Variants in CCDC85A observed in about 807,000 individuals in gnomAD.
CCDC85A encodes coiled-coil domain-containing protein 85A.
In CCDC85A, 38 loss-of-function variants were observed where a neutral mutation model predicts 50.2. That is an observed-to-expected ratio of 0.76 (90% CI 0.58 to 0.99). The LOEUF (loss-of-function observed/expected upper bound fraction) is 0.99. CCDC85A is among the 50% of genes least tolerant of loss of function. The probability of loss-of-function intolerance (pLI) is 0.00; values close to 1 mark genes in which losing one functional copy is unlikely to be tolerated. For synonymous variants in CCDC85A, 366 were observed against 301.4 expected (o/e 1.21, Z -2.22); for missense variants, 820 against 742.0 (o/e 1.11, Z -1.22).
chr2:56,198,523 C>A (rs1676614988), intron 2 of CCDC85A, among the ~76,000 whole-genome samples: 2 of 152,164 alleles, frequency 1.3e-5, no homozygotes, highest in Non-Finnish European at 2.9e-5. Flanking sequence ...ATTTATTGTA[C>A]CATACTTGTA....
At chr2:56,348,025 G>T (rs1479750058) in intron 3 of CCDC85A, among the ~76,000 whole-genome samples, 2 of 152,160 alleles carry the variant, frequency 1.3e-5, no homozygotes, top group African/African-American at 4.8e-5. Flanking sequence ...CTATTCACAT[G>T]TAATGCTGAG....
chr2:56,339,735 T>C (rs1217909460), intron 2 of CCDC85A, among the ~76,000 whole-genome samples: 1 of 152,156 alleles, frequency 6.6e-6, no homozygotes, highest in South Asian at 2.1e-4. Context: ...TGGATGGCCT[T>C]ATCAAGTGGT....
intron 2 of CCDC85A, among the ~76,000 whole-genome samples, chr2:56,282,419 A>G (rs1449617715): frequency 1.3e-5 from 2 of 152,166 alleles, no homozygotes; most frequent in East Asian, 1.9e-4. Flanking sequence ...AATTGTATCA[A>G]TTTCTACAAA....
intron 2 of CCDC85A, among the ~76,000 whole-genome samples, chr2:56,236,162 G>T (rs1027992283): frequency 2.0e-5 from 3 of 152,148 alleles, no homozygotes; most frequent in Admixed American, 2.0e-4. Context: ...CTTACTTCCA[G>T]TGTCATTGTA....
chr2:56,335,705 A>T (rs1389140141), intron 2 of CCDC85A, among the ~76,000 whole-genome samples: 1 of 151,418 alleles, frequency 6.6e-6, no homozygotes, highest in African/African-American at 2.4e-5. Flanking sequence ...AGGATCAATC[A>T]ATTCTCCTGC....
In CCDC85A at chr2:56,193,291, A is replaced by C; in HGVS notation, c.1091A>C (p.Gln364Pro). The part of the protein sequence containing the change: ...ARGTSPEHLK[Q>P]HYGGSPDHKH... ...GGCACCAGCCCGGAGCACCTCAAAC[A>C]ACATTATGGAGGGAGCCCTGATCAC... Residue 364 changes from glutamine to proline, a missense_variant, in exon 2 of 6, where the codon CAA (glutamine) becomes CCA (proline). By Grantham distance (76) the Gln-to-Pro change is moderately conservative. Coordinates refer to ENST00000407595, the MANE Select transcript of CCDC85A (RefSeq NM_001080433.2). 6.2e-7 allele frequency: 1 copy of C among 1,613,864 alleles called. No homozygotes were observed. The highest frequency in any genetic ancestry group is 8.5e-7 in the Non-Finnish European group (1 of 1,179,826).
Position 56,383,712 on chromosome 2 carries a change from A to G in CCDC85A, c.1573-554A>G, listed in dbSNP as rs905745079. The G allele has an allele frequency of 2.3e-5, 23 of 985,142 alleles. No individual in the cohort carries two copies. In the African/African-American group the frequency reaches 3.7e-4, roughly 16 times the overall value. 61.0% of individuals were successfully genotyped at this position (985,142 alleles called of 1,614,324 possible). On this transcript the variant is annotated intron_variant, in intron 5 of 5. Coordinates refer to ENST00000407595, the MANE Select transcript of CCDC85A (RefSeq NM_001080433.2). ...GCCAGAGAAATTTACTAGTGGCCCTAAGACTACCACCTCAGGACTTAAATA... is the reference window on the plus strand; with the variant it reads ...GCCAGAGAAATTTACTAGTGGCCCTGAGACTACCACCTCAGGACTTAAATA...
chr2:56,251,941 G>T (rs1669777998), intron 2 of CCDC85A, among the ~76,000 whole-genome samples: 1 of 151,550 alleles, frequency 6.6e-6, no homozygotes. Context: ...TAGGGTACAT[G>T]TGCACAACGT....
intron 2 of CCDC85A, among the ~76,000 whole-genome samples, chr2:56,204,484 A>C (rs1447949241): frequency 6.6e-6 from 1 of 152,142 alleles, no homozygotes; most frequent in Non-Finnish European, 1.5e-5. Context: ...ACTCAGTTTT[A>C]TTTAGGCAGG....
At position 56,310,938 on chromosome 2, in the gene CCDC85A, G is replaced by A. The variant is rs1005907210; in HGVS notation, c.1241-31941G>A. On this transcript the variant is annotated intron_variant, in intron 2 of 5. Coordinates refer to ENST00000407595, the MANE Select transcript of CCDC85A (RefSeq NM_001080433.2). The stretch of plus-strand genomic sequence containing the variant: ...CATTTGTCTCTCTTGAATTCAGATC[G>A]TCAAGGAACTCTTAGTCCTTGCAAT... Among the ~76,000 whole-genome samples the A allele has an allele frequency of 1.6e-4, 25 of 152,232 alleles. 1 individual carries two copies. Among genetic ancestry groups the A allele is most frequent in the South Asian group, 6.2e-4 (3 of 4,830 alleles).
intron 3 of CCDC85A, among the ~76,000 whole-genome samples, chr2:56,357,007 A>G (rs1222009394): frequency 6.6e-6 from 1 of 151,156 alleles, no homozygotes; most frequent in African/African-American, 2.4e-5. Context: ...TGAACCTGGG[A>G]GGCGGAGCTT....
intron 2 of CCDC85A, among the ~76,000 whole-genome samples, chr2:56,278,528 T>G (rs1020337588): frequency 6.6e-6 from 1 of 152,092 alleles, no homozygotes; most frequent in Non-Finnish European, 1.5e-5. Context: ...CTCAACTCAG[T>G]CTGAGGGATT....
At chr2:56,347,764 T>A (rs1213636040) in intron 3 of CCDC85A, among the ~76,000 whole-genome samples, 1 of 152,210 alleles carries the variant, frequency 6.6e-6, no homozygotes, top group Non-Finnish European at 1.5e-5. Flanking sequence ...GTTTTAAAAC[T>A]GAAATTTTAA....
chr2:56,242,979 T>C (rs1669332887), intron 2 of CCDC85A, among the ~76,000 whole-genome samples: 1 of 152,178 alleles, frequency 6.6e-6, no homozygotes, highest in African/African-American at 2.4e-5. Context: ...TGCAAGTGGA[T>C]ATCCAGGTTT....
intron 2 of CCDC85A, among the ~76,000 whole-genome samples, chr2:56,213,558 C>T (rs72801179): frequency 0.023 from 3,557 of 151,988 alleles, 62 homozygotes; most frequent in South Asian, 0.047. Context: ...TGTTCTGCAT[C>T]TTTCTAGGAG....
intron 3 of CCDC85A, among the ~76,000 whole-genome samples, chr2:56,372,079 G>A (rs539862298): frequency 1.3e-5 from 2 of 152,064 alleles, no homozygotes; most frequent in East Asian, 1.9e-4. Flanking sequence ...AGTTTTTTCT[G>A]TAATTTTGAC....
rs115140982 is a variant in CCDC85A at position 56,314,845 on chromosome 2, C to T, written c.1241-28034C>T. ...TTCCTCTTGAGAGTTATAGTATAGACGCTACTGCTGTTTGGAGTTTCCTGT... is the reference window on the plus strand; with the variant it reads ...TTCCTCTTGAGAGTTATAGTATAGATGCTACTGCTGTTTGGAGTTTCCTGT... On this transcript the variant is annotated intron_variant, in intron 2 of 5. Transcript: ENST00000407595. Among the ~76,000 whole-genome samples the T allele has an allele frequency of 6.7e-3, 1,019 of 152,240 alleles. 8 individuals are homozygous for T. Among genetic ancestry groups the T allele is most frequent in the African/African-American group, 0.023 (952 of 41,556 alleles).
chr2:56,221,238 A>G (rs897312517), intron 2 of CCDC85A, among the ~76,000 whole-genome samples: 1 of 152,046 alleles, frequency 6.6e-6, no homozygotes, highest in Admixed American at 6.6e-5. Context: ...AAAATCATCA[A>G]CTGCCAATGC....
In CCDC85A at chr2:56,310,980, G is replaced by A. The variant is rs147373543; in HGVS notation, c.1241-31899G>A. 1.6e-3 allele frequency among the ~76,000 whole-genome samples: 244 copies of A among 152,246 alleles called. 1 individual carries two copies. The highest frequency in any genetic ancestry group is 0.01 in the Middle Eastern group (3 of 294). On this transcript the variant is annotated intron_variant, in intron 2 of 5. Transcript: ENST00000407595. ...CCTTGCAATGCTGGTGACTTTTGGG[G>A]AGAAAATATATAACGGGACTTTTGA...
Sources: allele counts gnomAD v4.1 joint callset (sites outside exome capture counted in the v4.1 genomes callset), GRCh38; gene constraint gnomAD v4.1.1; transcripts MANE v1.5; gene names NCBI Gene and HGNC (gene_info 2026-07-23, HGNC 2026-07-21).